OLFM2: variants seen among roughly 807,000 people sequenced by gnomAD.
OLFM2 encodes olfactomedin 2.
A neutral mutation model predicts 43.9 loss-of-function variants in OLFM2; 20 were observed. The observed-to-expected ratio is 0.46, with a 90% CI of 0.32 to 0.66. The LOEUF (loss-of-function observed/expected upper bound fraction) is 0.66. Ranked by LOEUF, OLFM2 falls within the 30% of genes least tolerant of loss-of-function variation. OLFM2 has a pLI of 0.04. For missense variants in OLFM2, 416 were observed against 643.6 expected (o/e 0.65, Z 3.83); for synonymous variants, 268 against 278.6 (o/e 0.96, Z 0.38).
At chr19:9,885,996 C>G (rs1207620652) in intron 1 of OLFM2, among the ~76,000 whole-genome samples, 1 of 151,562 alleles carries the variant, frequency 6.6e-6, no homozygotes, top group African/African-American at 2.4e-5. Flanking sequence ...ACATGGGAGG[C>G]TGAGGTGGGA....
chr19:9,860,496 C>G, intron 2 of OLFM2, 149 bp downstream of exon 2: 2 of 721,578 alleles, frequency 2.8e-6, no homozygotes, highest in Non-Finnish European at 4.3e-6. Context: ...AAAAAAAGGA[C>G]CTGCCTGGAG....
intron 1 of OLFM2, among the ~76,000 whole-genome samples, chr19:9,898,958 C>T (rs1419861514): frequency 6.6e-6 from 1 of 152,136 alleles, no homozygotes; most frequent in African/African-American, 2.4e-5. Context: ...AGATCAAGTC[C>T]CTCCACCCCA....
chr19:9,911,101 C>T (rs2046823829), intron 1 of OLFM2, among the ~76,000 whole-genome samples: 1 of 152,132 alleles, frequency 6.6e-6, no homozygotes, highest in Non-Finnish European at 1.5e-5. Context: ...GGAATTTGAA[C>T]AGCAGATCTC....
intron 1 of OLFM2, among the ~76,000 whole-genome samples, chr19:9,894,415 AT>A (rs1373723662): frequency 9.3e-4 from 92 of 98,742 alleles, no homozygotes; most frequent in Admixed American, 1.8e-3. Flanking sequence ...ATAATAATAA[AT>A]AAATAAAATA....
At chr19:9,860,876 GA>G (rs1341101828) in intron 1 of OLFM2, 82 bp from the exon 2 acceptor site, 50 of 1,421,088 alleles carry the variant, frequency 3.5e-5, no homozygotes, top group Non-Finnish European at 6.6e-6. Context: ...GGGGCCCAAG[GA>G]AACCACAGAT....
intron 1 of OLFM2, 25 bp downstream of exon 1, chr19:9,936,279 C>T (rs2086514319): frequency 1.3e-6 from 2 of 1,528,130 alleles, no homozygotes; most frequent in African/African-American, 1.4e-5. Flanking sequence ...CCACCCGCGC[C>T]CGCACCTGCC....
chr19:9,881,170 T>C (rs935409808), intron 1 of OLFM2, among the ~76,000 whole-genome samples: 1 of 152,168 alleles, frequency 6.6e-6, no homozygotes, highest in Non-Finnish European at 1.5e-5. Flanking sequence ...GTGCTGGGAT[T>C]ACAGGCATGA....
chr19:9,858,099 C>T lies in OLFM2; in HGVS notation c.214-238G>A, dbSNP rs2145431423. Reference sequence around the variant, plus strand: ...GTCCACCTACCACCACCTCTCACCTCCTCCCTAGTCTCCCAGTTCCACCTT... The same window carrying T: ...GTCCACCTACCACCACCTCTCACCTTCTCCCTAGTCTCCCAGTTCCACCTT... On this transcript the variant is annotated intron_variant, in intron 2 of 5. Coordinates refer to ENST00000264833, the MANE Select transcript of OLFM2 (RefSeq NM_058164.4). 4 of 597,274 alleles carry T rather than the reference C, an allele frequency of 6.7e-6. No individual in the cohort carries two copies. The East Asian group carries it at 1.2e-4, about 18-fold the overall frequency. The allele number at this position is 597,274 out of a possible 1,614,324, so 37.0% of individuals were successfully genotyped here.
At chr19:9,876,638 A>C (rs1242539710) in intron 1 of OLFM2, among the ~76,000 whole-genome samples, 1 of 152,138 alleles carries the variant, frequency 6.6e-6, no homozygotes, top group Non-Finnish European at 1.5e-5. Context: ...CAATTCCCCC[A>C]GTGGAGGTGG....
intron 1 of OLFM2, among the ~76,000 whole-genome samples, chr19:9,871,869 G>A (rs973651067): frequency 6.6e-6 from 1 of 152,204 alleles, no homozygotes; most frequent in Non-Finnish European, 1.5e-5. Flanking sequence ...TTTGTTGAAT[G>A]AGGATGCTGA....
chr19:9,901,659 A>C (rs2046741151), intron 1 of OLFM2, among the ~76,000 whole-genome samples: 1 of 152,138 alleles, frequency 6.6e-6, no homozygotes, highest in Admixed American at 6.6e-5. Flanking sequence ...AGGAGTTCAG[A>C]GAATTTCTGG....
intron 2 of OLFM2, among the ~76,000 whole-genome samples, chr19:9,860,145 CAAG>C (rs2046356057): frequency 8.2e-6 from 1 of 122,348 alleles, no homozygotes; most frequent in Non-Finnish European, 1.7e-5. Flanking sequence ...GAGACTGTCT[CAAG>C]GAGAAAAAAA....
At chr19:9,905,273 C>T (rs902467442) in intron 1 of OLFM2, among the ~76,000 whole-genome samples, 4 of 152,000 alleles carry the variant, frequency 2.6e-5, no homozygotes, top group South Asian at 2.1e-4. Context: ...ATGGCTAACA[C>T]GGTGAAACCC....
intron 1 of OLFM2, among the ~76,000 whole-genome samples, chr19:9,864,404 G>A (rs986245622): frequency 1.3e-5 from 2 of 151,996 alleles, no homozygotes; most frequent in East Asian, 1.9e-4. Context: ...GGGTTCAAGC[G>A]ATTTTCATGC....
intron 1 of OLFM2, among the ~76,000 whole-genome samples, chr19:9,879,813 G>A (rs2046524787): frequency 6.6e-6 from 1 of 151,640 alleles, no homozygotes; most frequent in African/African-American, 2.4e-5. Context: ...GTCTCACTCT[G>A]TCACCCAGGC....
intron 1 of OLFM2, among the ~76,000 whole-genome samples, chr19:9,896,584 C>G (rs1348800417): frequency 6.6e-6 from 1 of 152,120 alleles, no homozygotes; most frequent in Non-Finnish European, 1.5e-5. Context: ...CTTCTTTAGT[C>G]CATCATATTT....
chr19:9,874,398 C>G (rs929726745), intron 1 of OLFM2, among the ~76,000 whole-genome samples: 5 of 147,426 alleles, frequency 3.4e-5, no homozygotes, highest in African/African-American at 1.0e-4. Flanking sequence ...AACTCCTGAC[C>G]TTAAGTGACC....
chr19:9,862,682 T>TA (rs200610488), intron 1 of OLFM2, among the ~76,000 whole-genome samples: 2,030 of 150,664 alleles, frequency 0.013, 41 homozygotes, highest in African/African-American at 0.047. Flanking sequence ...CCCCATCTCT[T>TA]AAAAAAAACA....
At chr19:9,934,072 A>T (rs753312516) in intron 1 of OLFM2, among the ~76,000 whole-genome samples, 1 of 152,072 alleles carries the variant, frequency 6.6e-6, no homozygotes, top group Non-Finnish European at 1.5e-5. Flanking sequence ...TTAACCAATG[A>T]TTTCTAGGAA....
Sources: gnomAD v4.1 joint callset for allele counts (sites outside exome capture counted in the v4.1 genomes callset) on GRCh38, gnomAD v4.1.1 for gene constraint, MANE v1.5 for transcripts, NCBI Gene and HGNC (gene_info 2026-07-23, HGNC 2026-07-21) for gene names.